NAV3: variants seen among roughly 807,000 people sequenced by gnomAD.
The protein encoded by NAV3 is neuron navigator 3.
A neutral mutation model predicts 244.7 loss-of-function variants in NAV3; 87 were observed. That is an observed-to-expected ratio of 0.36 (90% CI 0.30 to 0.42). The LOEUF (loss-of-function observed/expected upper bound fraction) is 0.42, where lower values mean the gene tolerates loss of function less well. NAV3 is among the 20% of genes least tolerant of loss of function. The pLI is 1.00. For missense variants in NAV3, 2,663 were observed against 2,893.3 expected (o/e 0.92, Z 1.83); for synonymous variants, 1,126 against 1,042.2 (o/e 1.08, Z -1.55).
At chr12:77,709,523 G>A (rs1876002538) in intron 2 of NAV3, among the ~76,000 whole-genome samples, 1 of 152,120 alleles carries the variant, frequency 6.6e-6, no homozygotes, top group South Asian at 2.1e-4. Context: ...TATTATGGGT[G>A]CCATGAAGAT....
chr12:78,199,027 A>G, intron 36 of NAV3: 1 of 546,692 alleles, frequency 1.8e-6, no homozygotes, highest in Admixed American at 2.3e-5. Flanking sequence ...GAGAAATGTG[A>G]AGAGAGTTGC....
intron 12 of NAV3, among the ~76,000 whole-genome samples, chr12:78,087,290 A>G (rs1334542122): frequency 6.6e-6 from 1 of 152,064 alleles, no homozygotes; most frequent in Non-Finnish European, 1.5e-5. Flanking sequence ...CTTGACATGT[A>G]TAATCTAATT....
intron 12 of NAV3, among the ~76,000 whole-genome samples, chr12:78,095,086 C>T (rs28468569): frequency 8.5e-4 from 107 of 125,896 alleles, no homozygotes; most frequent in African/African-American, 1.8e-3. Flanking sequence ...CACACACACA[C>T]ACATATATAT....
chr12:77,927,685 A>G (rs1888351565), intron 1 of NAV3, among the ~76,000 whole-genome samples: 1 of 152,242 alleles, frequency 6.6e-6, no homozygotes, highest in African/African-American at 2.4e-5. Flanking sequence ...AAATGCAATT[A>G]AAGTGAAATA....
At chr12:78,071,313 G>A (rs183054175) in intron 12 of NAV3, among the ~76,000 whole-genome samples, 63 of 152,262 alleles carry the variant, frequency 4.1e-4, no homozygotes, top group Admixed American at 3.5e-3. Context: ...GTGATGATGA[G>A]TATCTTTTCT....
rs754878822 is a variant in NAV3, at chr12:77,831,631, C to A, written c.170C>A (p.Ala57Glu). 8 of 1,613,872 alleles carry A rather than the reference C, an allele frequency of 5.0e-6. No homozygotes were observed. Among genetic ancestry groups the A allele is most frequent in the Middle Eastern group, 1.6e-4 (1 of 6,062 alleles). The change falls in exon 1 of 40, where the codon GCG becomes GAG. Residue 57 changes from alanine (A) to glutamate (E), a missense_variant. Around this residue, in one of 6 missense-constraint regions of NAV3, gnomAD observed 1,521 missense variants for 1,497.0 expected, o/e 1.02. Transcript: ENST00000397909. ...TESSMLSCQLALKSTCEFGEK... is the reference protein window; with the variant it reads ...TESSMLSCQLELKSTCEFGEK... ...AGCTCCATGCTTTCTTGTCAGCTTG[C>A]GTTAAAATCAACCTGTGAATTTGGA...
intron 1 of NAV3, among the ~76,000 whole-genome samples, chr12:77,929,635 A>G (rs931519930): frequency 4.0e-5 from 6 of 150,812 alleles, no homozygotes; most frequent in African/African-American, 1.5e-4. Flanking sequence ...TTATTTATTT[A>G]TTTACTTATT....
At chr12:77,662,298 A>C (rs1026160636) in intron 2 of NAV3, among the ~76,000 whole-genome samples, 1 of 151,360 alleles carries the variant, frequency 6.6e-6, no homozygotes, top group African/African-American at 2.4e-5. Context: ...ACTTTCTCTC[A>C]GCAGTGCTTT....
At chr12:77,679,869 G>A (rs12317485) in intron 2 of NAV3, among the ~76,000 whole-genome samples, 7,955 of 152,184 alleles carry the variant, frequency 0.052, 485 homozygotes, top group African/African-American at 0.15. Flanking sequence ...AGAGGCAACT[G>A]CTGACTTTAG....
At chr12:77,825,700 G>T (rs1872955428) in intron 2 of NAV3, among the ~76,000 whole-genome samples, 1 of 152,064 alleles carries the variant, frequency 6.6e-6, no homozygotes, top group African/African-American at 2.4e-5. Flanking sequence ...CCACTCACAA[G>T]ACTGCAAAAG....
chr12:77,924,087 C>A (rs78815831), intron 1 of NAV3, among the ~76,000 whole-genome samples: 1,524 of 152,218 alleles, frequency 0.01, 24 homozygotes, highest in African/African-American at 0.035. Context: ...TGGCTCTGTA[C>A]ACAGTAGACT....
intron 2 of NAV3, among the ~76,000 whole-genome samples, chr12:77,814,083 A>C (rs1487739446): frequency 6.6e-6 from 1 of 152,090 alleles, no homozygotes; most frequent in Admixed American, 6.5e-5. Flanking sequence ...GGAGCCCAGC[A>C]TCTGTGTTTC....
At chr12:78,182,726 C>A (rs1401934792) in intron 30 of NAV3, among the ~76,000 whole-genome samples, 1 of 151,328 alleles carries the variant, frequency 6.6e-6, no homozygotes, top group Non-Finnish European at 1.5e-5. Context: ...TTTTTAATAC[C>A]TTTTTTTACC....
At chr12:77,666,587 G>A (rs1753387619) in intron 2 of NAV3, among the ~76,000 whole-genome samples, 1 of 152,146 alleles carries the variant, frequency 6.6e-6, no homozygotes, top group Non-Finnish European at 1.5e-5. Flanking sequence ...ATTGGCTTGT[G>A]CTAAGTAAGT....
intron 2 of NAV3, among the ~76,000 whole-genome samples, chr12:77,753,008 C>T (rs2135805900): frequency 6.6e-6 from 1 of 152,190 alleles, no homozygotes; most frequent in East Asian, 1.9e-4. Context: ...AACAGGAACT[C>T]CATGACCTGA....
At chr12:77,655,529 T>C (rs1873055757) in intron 2 of NAV3, among the ~76,000 whole-genome samples, 1 of 152,100 alleles carries the variant, frequency 6.6e-6, no homozygotes, top group Non-Finnish European at 1.5e-5. Context: ...TGGAAAACAA[T>C]GTGCAGGATA....
intron 3 of NAV3, among the ~76,000 whole-genome samples, chr12:77,946,084 T>A (rs1890311468): frequency 8.3e-6 from 1 of 120,276 alleles, no homozygotes; most frequent in Non-Finnish European, 1.7e-5. Flanking sequence ...TAAAGAAAAA[T>A]TCACCATATA....
chr12:78,058,851 A>T, intron 11 of NAV3, 145 bp from the exon 12 acceptor site: 1 of 528,938 alleles, frequency 1.9e-6, no homozygotes, highest in Non-Finnish European at 2.9e-6. Context: ...CCTGGTGAGT[A>T]GAATGTTTAT....
intron 2 of NAV3, among the ~76,000 whole-genome samples, chr12:77,812,032 A>G (rs934718937): frequency 6.6e-6 from 1 of 152,206 alleles, no homozygotes; most frequent in Non-Finnish European, 1.5e-5. Context: ...AAATATAAGC[A>G]TAGATAATTT....
Sources: gnomAD v4.1 joint callset for allele counts (sites outside exome capture counted in the v4.1 genomes callset) on GRCh38, gnomAD v4.1.1 for gene constraint, gnomAD v4.1.1 regional missense constraint, MANE v1.5 for transcripts, NCBI Gene and HGNC (gene_info 2026-07-23, HGNC 2026-07-21) for gene names.